Variants in NRSN2 observed in about 807,000 individuals in gnomAD.
NRSN2 encodes neurensin 2.
A neutral mutation model predicts 11.1 loss-of-function variants in NRSN2; 10 were observed. That is an observed-to-expected ratio of 0.90 (90% CI 0.56 to 1.53). The LOEUF is 1.53. NRSN2 is among the 40% of genes most tolerant of loss of function. The probability of loss-of-function intolerance (pLI) is 0.00; values close to 1 mark genes in which losing one functional copy is unlikely to be tolerated. For missense variants in NRSN2, 260 were observed against 273.7 expected, an observed-to-expected ratio of 0.95 and a Z score of 0.35; for synonymous variants, 100 against 117.0, an observed-to-expected ratio of 0.86 and a Z score of 0.94.
chr20:353,585 C>G lies in NRSN2; in HGVS notation c.565C>G (p.Pro189Ala). 6.2e-7 allele frequency: 1 copy of G among 1,614,214 alleles called. No individual in the cohort carries two copies. Among genetic ancestry groups the G allele is most frequent in the Non-Finnish European group, 8.5e-7 (1 of 1,180,036 alleles). ...GTCATGGTTCTCGCCACCCGCCAGC[C>G]CCTTTGGGCAATCTTCTGTGCAGAC... ...GQSWFSPPASPFGQSSVQTIQ... is the reference protein window; with the variant it reads ...GQSWFSPPASAFGQSSVQTIQ... Residue 189 changes from proline to alanine, a missense_variant, in exon 5 of 5, where the codon CCC becomes GCC. Transcript: ENST00000382285.
chr20:348,880 G>A (rs1198531766), intron 2 of NRSN2, among the ~76,000 whole-genome samples: 2 of 151,994 alleles, frequency 1.3e-5, no homozygotes, highest in Admixed American at 6.6e-5. Flanking sequence ...TATTTGATAG[G>A]TTTCTCTGGA....
At chr20:353,014 G>A (rs988865562) in intron 4 of NRSN2, among the ~76,000 whole-genome samples, 196 bp from the exon 5 acceptor site, 3 of 152,088 alleles carry the variant, frequency 2.0e-5, no homozygotes, top group Non-Finnish European at 4.4e-5. Flanking sequence ...AAATTAAGAG[G>A]CCTCAGGATT....
Position 353,476 on chromosome 20 carries a change from C to G in NRSN2, c.456C>G (p.Asp152Glu), listed in dbSNP as rs765576836. 4 of 1,614,162 alleles carry G rather than the reference C, an allele frequency of 2.5e-6. No individual in the cohort carries two copies. The South Asian group carries it at 4.4e-5, about 18-fold the overall frequency. ...LSQDTKAEPL[D>E]PEADSHVEVF... ...AGGACACCAAGGCAGAGCCCTTGGACCCCGAAGCCGACAGCCACGTGGAGG... is the reference window on the plus strand; with the variant it reads ...AGGACACCAAGGCAGAGCCCTTGGAGCCCGAAGCCGACAGCCACGTGGAGG... Residue 152 changes from aspartate (D) to glutamate (E), a missense_variant, in exon 5 of 5, where the codon GAC becomes GAG. Physicochemically the swap from Asp to Glu is conservative, Grantham distance 45 (BLOSUM62 2). Coordinates refer to ENST00000382285, the MANE Select transcript of NRSN2 (RefSeq NM_001323682.2).
At chr20:348,812 A>T (rs1355809063) in intron 2 of NRSN2, among the ~76,000 whole-genome samples, 1 of 151,764 alleles carries the variant, frequency 6.6e-6, no homozygotes, top group African/African-American at 2.4e-5. Context: ...ATATGGATAT[A>T]CAAGTACCTT....
intron 4 of NRSN2, among the ~76,000 whole-genome samples, chr20:352,513 C>T (rs892573120): frequency 2.0e-5 from 3 of 152,172 alleles, no homozygotes; most frequent in Non-Finnish European, 2.9e-5. Context: ...CTTCTTATTG[C>T]GAGGCACTGT....
intron 4 of NRSN2, among the ~76,000 whole-genome samples, chr20:350,046 A>G (rs1280472626): frequency 2.0e-5 from 3 of 152,204 alleles, no homozygotes; most frequent in Non-Finnish European, 4.4e-5. Context: ...AATTATTTAC[A>G]TATTTATTGT....
At chr20:351,124 G>A (rs1352051550) in intron 4 of NRSN2, among the ~76,000 whole-genome samples, 1 of 152,210 alleles carries the variant, frequency 6.6e-6, no homozygotes, top group African/African-American at 2.4e-5. Context: ...AGCTACTCTG[G>A]AGGCTGAGGC....
chr20:352,759 C>T (rs1243136798), intron 4 of NRSN2, among the ~76,000 whole-genome samples: 2 of 152,154 alleles, frequency 1.3e-5, no homozygotes, highest in African/African-American at 4.8e-5. Context: ...AATACATGTC[C>T]AAGTGTGCAC....
At chr20:350,521 G>A (rs1049741292) in intron 4 of NRSN2, among the ~76,000 whole-genome samples, 2 of 148,744 alleles carry the variant, frequency 1.3e-5, no homozygotes, top group Admixed American at 6.7e-5. Flanking sequence ...GGTGGCAGGC[G>A]CCTGTAATCC....
At chr20:352,506 C>G (rs1053028970) in intron 4 of NRSN2, among the ~76,000 whole-genome samples, 1 of 152,232 alleles carries the variant, frequency 6.6e-6, no homozygotes, top group Non-Finnish European at 1.5e-5. Flanking sequence ...TAAGCATCTT[C>G]TTATTGCGAG....
chr20:351,184 G>A (rs1490891232), intron 4 of NRSN2, among the ~76,000 whole-genome samples: 10 of 152,148 alleles, frequency 6.6e-5, no homozygotes, highest in Admixed American at 2.0e-4. Flanking sequence ...AGCAGAGATC[G>A]TGCCGTTGCA....
At chr20:349,864 T>C in intron 4 of NRSN2, 32 bp downstream of exon 4, 1 of 1,586,708 alleles carries the variant, frequency 6.3e-7, no homozygotes, top group Non-Finnish European at 8.6e-7. Flanking sequence ...CCATGATTCC[T>C]CTGCCTTGAT....
In NRSN2 at chr20:349,532, G is replaced by C. The variant is rs2013747258; in HGVS notation, c.-6-106G>C. 8.3e-6 allele frequency: 7 copies of C among 847,176 alleles called. No individual in the cohort carries two copies. The Admixed American group carries it at 1.6e-4, about 19-fold the overall frequency. The allele number at this position is 847,176 out of a possible 1,614,324, so 52.5% of individuals were successfully genotyped here. On this transcript the variant is annotated intron_variant, in intron 3 of 4. Transcript: ENST00000382285. ...TATGCGTGTAGGGTGTCTCGAGTGGGAGGAGAAGCGGGTGGGGCACAAAGA... is the reference window on the plus strand; with the variant it reads ...TATGCGTGTAGGGTGTCTCGAGTGGCAGGAGAAGCGGGTGGGGCACAAAGA...
In NRSN2 at chr20:347,735, C is replaced by T. The variant is rs2013535818; in HGVS notation, c.-122+223C>T. Among the ~76,000 whole-genome samples, 1 of 152,210 alleles carries T rather than the reference C, an allele frequency of 6.6e-6. No individual in the cohort carries two copies. The highest frequency in any genetic ancestry group is 2.4e-5 in the African/African-American group (1 of 41,458). On this transcript the variant is annotated intron_variant, in intron 2 of 4. Coordinates refer to ENST00000382285, the MANE Select transcript of NRSN2 (RefSeq NM_001323682.2). The surrounding 1 kb of genome is among the most constrained non-coding windows in gnomAD (Gnocchi z 7.0). ...CGTCACTTCCGCCCGTGCCTGCCGC[C>T]CCTCGCCTCCTCCCTCCGCCGCAGT...
At chr20:350,073 C>T (rs977821776) in intron 4 of NRSN2, among the ~76,000 whole-genome samples, 3 of 152,204 alleles carry the variant, frequency 2.0e-5, no homozygotes, top group Non-Finnish European at 4.4e-5. Flanking sequence ...ATAATGGTGG[C>T]TCATGCCTGT....
Position 353,860 on chromosome 20 carries a change from C to T in NRSN2, c.*225C>T. The T allele has an allele frequency of 1.8e-6, 1 of 561,346 alleles. No individual in the cohort carries two copies. Among genetic ancestry groups the T allele is most frequent in the Non-Finnish European group, 3.1e-6 (1 of 321,020 alleles). 34.8% of individuals were successfully genotyped at this position (561,346 alleles called of 1,614,324 possible). A position where few individuals can be genotyped will look rare whatever the true frequency, so the allele number is the denominator to read the frequency against. On this transcript the variant is annotated 3_prime_UTR_variant, in exon 5 of 5. Coordinates refer to ENST00000382285, the MANE Select transcript of NRSN2 (RefSeq NM_001323682.2). ...GTCCTCCCAAAACTTCCTACCCACA[C>T]CCTCTTCCCAAGGCCCTCAGGGGCA...
At chr20:350,369 C>G (rs1266859158) in intron 4 of NRSN2, among the ~76,000 whole-genome samples, 1 of 151,340 alleles carries the variant, frequency 6.6e-6, no homozygotes, top group Non-Finnish European at 1.5e-5. Flanking sequence ...ATCCCGGCTA[C>G]TCGGGAGGCT....
chr20:349,883 T>C (rs373742071), intron 4 of NRSN2, 51 bp downstream of exon 4: 58 of 1,534,114 alleles, frequency 3.8e-5, no homozygotes, highest in Non-Finnish European at 5.1e-5. Flanking sequence ...ATGGAGGAAA[T>C]GAGTCTGAAT....
At chr20:350,274 T>C (rs2013827073) in intron 4 of NRSN2, among the ~76,000 whole-genome samples, 1 of 151,374 alleles carries the variant, frequency 6.6e-6, no homozygotes, top group Non-Finnish European at 1.5e-5. Flanking sequence ...AGGTCAGGAG[T>C]TGGAGACCAG....
Sources: gnomAD v4.1 joint callset for allele counts (sites outside exome capture counted in the v4.1 genomes callset) on GRCh38, gnomAD v4.1.1 for gene constraint, Gnocchi (gnomAD v3.1) non-coding constraint, MANE v1.5 for transcripts, NCBI Gene and HGNC (gene_info 2026-07-23, HGNC 2026-07-21) for gene names.